Variants in STK24 observed in about 807,000 individuals in gnomAD.
STK24 encodes the protein serine/threonine-protein kinase 24.
STK24 carries 21 observed loss-of-function variants against 55.6 expected under a neutral mutation model. That is an observed-to-expected ratio of 0.38 (90% confidence interval 0.27 to 0.54). The LOEUF (loss-of-function observed/expected upper bound fraction) is 0.54. Among genes scored for constraint, STK24 ranks in the 20% least tolerant of loss-of-function variants. STK24 has a pLI of 0.79. For synonymous variants in STK24, 200 were observed against 215.2 expected (o/e 0.93, Z 0.62); for missense variants, 383 against 538.4 (o/e 0.71, Z 2.86).
chr13:98,567,108 C>T (rs1190307734), intron 1 of STK24, among the ~76,000 whole-genome samples: 1 of 152,222 alleles, frequency 6.6e-6, no homozygotes, highest in African/African-American at 2.4e-5. Flanking sequence ...GAAGGCCATA[C>T]CCCAAAGAAG....
chr13:98,499,898 G>A (rs1252023681), intron 2 of STK24, among the ~76,000 whole-genome samples: 1 of 152,178 alleles, frequency 6.6e-6, no homozygotes, highest in Non-Finnish European at 1.5e-5. Context: ...GAAAAATTGA[G>A]ACAAAAAGAT....
chr13:98,466,239 T>G, intron 6 of STK24, 137 bp downstream of exon 6: 1 of 786,478 alleles, frequency 1.3e-6, no homozygotes, highest in Non-Finnish European at 1.8e-6. Context: ...AAGTCAATCA[T>G]ACTTACTTAG....
intron 1 of STK24, among the ~76,000 whole-genome samples, chr13:98,543,748 C>T (rs1896956366): frequency 6.6e-6 from 1 of 152,132 alleles, no homozygotes; most frequent in East Asian, 1.9e-4. Flanking sequence ...AGCTGCCAGC[C>T]GCCCCGAGGG....
intron 2 of STK24, among the ~76,000 whole-genome samples, chr13:98,486,204 TAA>T (rs5806065): frequency 0.28 from 40,882 of 146,060 alleles, 6,184 homozygotes; most frequent in East Asian, 0.4. Flanking sequence ...TTAAAAGTAT[TAA>T]AAAAAAAAAA....
chr13:98,460,277 T>C, intron 9 of STK24, 95 bp downstream of exon 9: 1 of 1,179,744 alleles, frequency 8.5e-7, no homozygotes, highest in Admixed American at 2.0e-5. Flanking sequence ...TGTCTTAATG[T>C]CCCCAACTCT....
At chr13:98,552,959 G>A (rs748632857) in intron 1 of STK24, among the ~76,000 whole-genome samples, 2 of 152,012 alleles carry the variant, frequency 1.3e-5, no homozygotes, top group African/African-American at 4.8e-5. Flanking sequence ...GTCAGCGATG[G>A]ATTCAGGTGA....
intron 2 of STK24, among the ~76,000 whole-genome samples, chr13:98,512,892 C>T (rs1265644214): frequency 6.6e-6 from 1 of 152,218 alleles, no homozygotes; most frequent in Non-Finnish European, 1.5e-5. Flanking sequence ...TCTGTGGTGT[C>T]TTCTGCTCAA....
At chr13:98,476,405 T>C (rs1391969639) in intron 3 of STK24, among the ~76,000 whole-genome samples, 1 of 152,214 alleles carries the variant, frequency 6.6e-6, no homozygotes, top group Non-Finnish European at 1.5e-5. Flanking sequence ...TGGTCCCCCA[T>C]TCTTGGTTTT....
chr13:98,463,997 G>A (rs1264590861), intron 6 of STK24, among the ~76,000 whole-genome samples, 161 bp from the exon 7 acceptor site: 12 of 152,272 alleles, frequency 7.9e-5, no homozygotes, highest in East Asian at 1.9e-4. Context: ...AAGACGAGTC[G>A]CTCAGGACCT....
intron 5 of STK24, among the ~76,000 whole-genome samples, chr13:98,468,996 C>T (rs1378742319): frequency 6.6e-6 from 1 of 152,248 alleles, no homozygotes; most frequent in African/African-American, 2.4e-5. Context: ...CAGGCAGGCC[C>T]TGGCAGAAGC....
At position 98,446,145 on chromosome 13, in the gene STK24, G is replaced by GTGGCAGAAGC; in HGVS notation, c.*7018_*7027dup. On this transcript the variant is annotated 3_prime_UTR_variant, in exon 11 of 11. Coordinates refer to ENST00000539966, the MANE Select transcript of STK24 (RefSeq NM_001032296.4). ...TGAGGAAATTCAAAAACAGCAACGG[G>GTGGCAGAAGC]TGGCAGAAGCTGTGGGTGGTGTTCA... 6.2e-7 allele frequency: 1 copy of GTGGCAGAAGC among 1,614,114 alleles called. No homozygotes were observed. Among genetic ancestry groups the GTGGCAGAAGC allele is most frequent in the South Asian group, 1.1e-5 (1 of 91,072 alleles).
intron 1 of STK24, among the ~76,000 whole-genome samples, chr13:98,555,589 AT>A (rs1173251070): frequency 3.3e-5 from 5 of 151,928 alleles, no homozygotes; most frequent in Admixed American, 6.6e-5. Context: ...AATAAAAAAA[AT>A]ATATAAATAA....
At position 98,487,064 on chromosome 13, in the gene STK24, G is replaced by C. The variant is rs551029359; in HGVS notation, c.274-4743C>G. Among the ~76,000 whole-genome samples the C allele has an allele frequency of 9.2e-5, 14 of 152,292 alleles. No homozygotes were observed. The South Asian group carries it at 2.9e-3, about 32-fold the overall frequency. ...TCTGAATAACCTGGTAAAACCAAAA[G>C]GGCCCAATTAACAATTCTAAGTAGT... On this transcript the variant is annotated intron_variant, in intron 2 of 10. Coordinates refer to ENST00000539966, the MANE Select transcript of STK24 (RefSeq NM_001032296.4).
chr13:98,453,354 A>G, intron 10 of STK24, 145 bp from the exon 11 acceptor site: 3 of 796,368 alleles, frequency 3.8e-6, no homozygotes, highest in Non-Finnish European at 6.0e-6. Context: ...GTGTAAGTCT[A>G]ATTTTAAAAG....
intron 2 of STK24, among the ~76,000 whole-genome samples, chr13:98,490,336 T>C (rs764900175): frequency 2.0e-4 from 30 of 152,182 alleles, no homozygotes; most frequent in Non-Finnish European, 4.4e-5. Flanking sequence ...AAGTGAACTA[T>C]TGCCAAATTT....
At chr13:98,570,212 A>T (rs1321061633) in intron 1 of STK24, among the ~76,000 whole-genome samples, 1 of 152,196 alleles carries the variant, frequency 6.6e-6, no homozygotes. Flanking sequence ...CTAAGGAGTA[A>T]CAAAAACAAA....
chr13:98,504,310 A>G (rs1318290893), intron 2 of STK24, among the ~76,000 whole-genome samples: 1 of 152,246 alleles, frequency 6.6e-6, no homozygotes, highest in Admixed American at 6.5e-5. Context: ...TCTGTCAACA[A>G]CAGTCAAGCC....
chr13:98,448,080 G>T lies in STK24; in HGVS notation c.*5093C>A, dbSNP rs1045206982. The T allele has an allele frequency of 1.5e-6, 1 of 662,366 alleles. No homozygotes were observed. The highest frequency in any genetic ancestry group is 2.7e-5 in the East Asian group (1 of 36,750). The allele number at this position is 662,366 out of a possible 1,614,324, so 41.0% of individuals were successfully genotyped here. A position where few individuals can be genotyped will look rare whatever the true frequency, so the allele number is the denominator to read the frequency against. ...TGGGTCTCCACTGTACCTCAGGAAC[G>T]CCTGGGTGCTGGCTGTTCCCTTGCT... On this transcript the variant is annotated 3_prime_UTR_variant, in exon 11 of 11. Transcript: ENST00000539966.
At chr13:98,463,890 C>G (rs967163899) in intron 6 of STK24, 54 bp from the exon 7 acceptor site, 5 of 1,585,234 alleles carry the variant, frequency 3.2e-6, no homozygotes, top group Admixed American at 1.7e-5. Flanking sequence ...TGGTCCTACC[C>G]CAAAGGACAG....
Sources: allele counts gnomAD v4.1 joint callset (sites outside exome capture counted in the v4.1 genomes callset), GRCh38; gene constraint gnomAD v4.1.1; transcripts MANE v1.5; gene names NCBI Gene and HGNC (gene_info 2026-07-23, HGNC 2026-07-21).